Variants in RTRAF observed in about 807,000 individuals in gnomAD.
RTRAF encodes the protein tRNA-splicing ligase complex subunit RTRAF.
RTRAF carries 14 observed loss-of-function variants against 34.4 expected under a neutral mutation model. That is an observed-to-expected ratio of 0.41 (90% CI 0.27 to 0.64). The LOEUF is 0.64. RTRAF is among the 30% of genes least tolerant of loss of function. RTRAF has a pLI of 0.34. For missense variants in RTRAF, 291 were observed against 288.4 expected (o/e 1.01, Z -0.06); for synonymous variants, 96 against 95.3 (o/e 1.01, Z -0.04).
Position 51,989,781 on chromosome 14 carries a change from C to T in RTRAF, c.61+81C>T, listed in dbSNP as rs1890396089. The T allele has an allele frequency of 1.2e-5, 17 of 1,398,978 alleles. No individual in the cohort carries two copies. In the South Asian group the frequency reaches 2.0e-4, roughly 16 times the overall value. The allele number at this position is 1,398,978 out of a possible 1,614,324, so 86.7% of individuals were successfully genotyped here. ...CCTCAGTGCCCGCACCCCACCTCCC[C>T]GTCGGGACCCTCGGCGGCCTGGTTT... On this transcript the variant is annotated intron_variant, in intron 1 of 7. Coordinates refer to ENST00000261700, the MANE Select transcript of RTRAF (RefSeq NM_016039.3).
Position 52,004,233 on chromosome 14 carries a change from G to T in RTRAF, c.571G>T (p.Asp191Tyr). 6.2e-7 allele frequency: 1 copy of T among 1,613,472 alleles called. No homozygotes were observed. The highest frequency in any genetic ancestry group is 1.1e-5 in the South Asian group (1 of 90,948). ...VALDKHILGF[D>Y]TGDAVLNEAA... ...TTTAGACAAACATATTCTTGGTTTT[G>T]ACACAGGAGGTAAGTGATTTTGTTT... Residue 191 changes from aspartate (D) to tyrosine (Y), a missense_variant, in exon 7 of 8, where the codon GAC becomes TAC. Coordinates refer to ENST00000261700, the MANE Select transcript of RTRAF (RefSeq NM_016039.3).
Position 51,989,703 on chromosome 14 carries a change from G to T in RTRAF, c.61+3G>T. On this transcript the variant is annotated splice_donor_region_variant and intron_variant, in intron 1 of 7. Transcript: ENST00000261700. ...CCCCGCCGGCTTCAACTGCAAAGGT[G>T]AGGCGGCGGCCTCAGCCCGGCCGCG... The T allele has an allele frequency of 1.9e-6, 3 of 1,599,358 alleles. No homozygotes were observed. The highest frequency in any genetic ancestry group is 2.6e-6 in the Non-Finnish European group (3 of 1,173,672).
In RTRAF at chr14:52,004,528, C is replaced by CTTCAGCTTCTCACCTACTTAGTACA. The variant is rs1566735444; in HGVS notation, c.*13_*37dup. On this transcript the variant is annotated 3_prime_UTR_variant, in exon 8 of 8. Coordinates refer to ENST00000261700, the MANE Select transcript of RTRAF (RefSeq NM_016039.3). ...AAGTTGGAAGATGAACACTTGAGGACTTCAGCTTCTCACCTACTTAGTACA... is the reference window on the plus strand; with the variant it reads ...AAGTTGGAAGATGAACACTTGAGGACTTCAGCTTCTCACCTACTTAGTACATTCAGCTTCTCACCTACTTAGTACA... The CTTCAGCTTCTCACCTACTTAGTACA allele has an allele frequency of 3.1e-6, 5 of 1,606,780 alleles. No homozygotes were observed. Among genetic ancestry groups the CTTCAGCTTCTCACCTACTTAGTACA allele is most frequent in the Non-Finnish European group, 4.2e-6 (5 of 1,177,846 alleles).
At chr14:52,000,056 A>G in intron 5 of RTRAF, among the ~76,000 whole-genome samples, 1 of 152,236 alleles carries the variant, frequency 6.6e-6, no homozygotes, top group South Asian at 2.1e-4. Flanking sequence ...CTTTTTAAAA[A>G]TATATATCAT....
chr14:51,996,084 G>C (rs139143881), intron 3 of RTRAF, among the ~76,000 whole-genome samples: 84 of 152,048 alleles, frequency 5.5e-4, no homozygotes, highest in African/African-American at 1.9e-3. Flanking sequence ...ATGTATACCT[G>C]CAGTTGACTT....
At chr14:52,004,092 G>GAGTT (rs773315846) in intron 6 of RTRAF, 102 bp from the exon 7 acceptor site, 33 of 989,154 alleles carry the variant, frequency 3.3e-5, no homozygotes, top group Non-Finnish European at 4.7e-5. Context: ...GCAGCTAAAA[G>GAGTT]AGTTAAGACA....
At chr14:51,996,763 A>AT (rs958973882) in intron 3 of RTRAF, among the ~76,000 whole-genome samples, 1 of 152,030 alleles carries the variant, frequency 6.6e-6, no homozygotes, top group African/African-American at 2.4e-5. Flanking sequence ...TATCTTTGAT[A>AT]TACTATTATT....
intron 1 of RTRAF, among the ~76,000 whole-genome samples, chr14:51,990,369 C>T (rs527641473): frequency 2.6e-5 from 4 of 152,228 alleles, no homozygotes; most frequent in Non-Finnish European, 5.9e-5. Context: ...CTCACTGTAA[C>T]TAAACTGCTA....
chr14:52,008,357 C>T lies in RTRAF; in HGVS notation c.*3841C>T, dbSNP rs72678187. 4,165 of 159,454 alleles carry T rather than the reference C, an allele frequency of 0.026. 75 individuals carry two copies. The highest frequency in any genetic ancestry group is 0.037 in the Non-Finnish European group (2,667 of 72,844). The allele number at this position is 159,454 out of a possible 1,614,324, so 9.9% of individuals were successfully genotyped here. On this transcript the variant is annotated 3_prime_UTR_variant, in exon 8 of 8. Coordinates refer to ENST00000261700, the MANE Select transcript of RTRAF (RefSeq NM_016039.3). Reference sequence around the variant, plus strand: ...GAGCATGCTTGGGCTGTGTCTTCCCCGAGCTGAGCCTTGTGATCACTGCAG... The same window carrying T: ...GAGCATGCTTGGGCTGTGTCTTCCCTGAGCTGAGCCTTGTGATCACTGCAG...
At position 52,006,892 on chromosome 14, in the gene RTRAF, G is replaced by A; in HGVS notation, c.*2376G>A. 8.5e-6 allele frequency: 3 copies of A among 351,714 alleles called. No individual in the cohort carries two copies. The highest frequency in any genetic ancestry group is 1.6e-5 in the Non-Finnish European group (3 of 190,290). The allele number at this position is 351,714 out of a possible 1,614,324, so 21.8% of individuals were successfully genotyped here. On this transcript the variant is annotated 3_prime_UTR_variant, in exon 8 of 8. Transcript: ENST00000261700. The stretch of plus-strand genomic sequence containing the variant: ...ACAGGATTGCATTTACTGAAATCTG[G>A]TAAGTTTCTGCCAAAGTAGGGCATT...
chr14:52,004,720 G>A lies in RTRAF; in HGVS notation c.*204G>A. The A allele has an allele frequency of 2.2e-6, 1 of 463,334 alleles. No homozygotes were observed. The highest frequency in any genetic ancestry group is 3.7e-6 in the Non-Finnish European group (1 of 269,004). 28.7% of individuals were successfully genotyped at this position (463,334 alleles called of 1,614,324 possible). On this transcript the variant is annotated 3_prime_UTR_variant, in exon 8 of 8. Transcript: ENST00000261700. The stretch of plus-strand genomic sequence containing the variant: ...AATTTTTATTATGTACTGTATGTTT[G>A]CATAAATCACCTTTCTCCTTTGTGG...
Position 51,999,805 on chromosome 14 carries a change from C to T in RTRAF, c.462+9C>T. On this transcript the variant is annotated intron_variant, in intron 5 of 7. Transcript: ENST00000261700. ...ACCTGGTAATGCTTAAGGTCAGCTT[C>T]ATGTTCTTGATTCTTGACAGAAACT... is the stretch of plus-strand genomic sequence containing the variant. The T allele has an allele frequency of 6.3e-7, 1 of 1,591,802 alleles. No homozygotes were observed. Among genetic ancestry groups the T allele is most frequent in the Non-Finnish European group, 8.6e-7 (1 of 1,163,676 alleles).
At chr14:52,004,319 T>TA (rs1422051430) in intron 7 of RTRAF, 43 bp from the exon 8 acceptor site, 1 of 1,608,468 alleles carries the variant, frequency 6.2e-7, no homozygotes, top group Non-Finnish European at 8.5e-7. Context: ...GCCTTAAATG[T>TA]AAAAATTATG....
chr14:51,998,369 T>C (rs1418234465), intron 3 of RTRAF, 125 bp from the exon 4 acceptor site: 1 of 549,896 alleles, frequency 1.8e-6, no homozygotes, highest in East Asian at 3.1e-5. Flanking sequence ...TTGGAAATTA[T>C]TGGCATTTCC....
rs964280778 is a variant in RTRAF, at chr14:52,004,629, G to A, written c.*113G>A. Reference sequence around the variant, plus strand: ...TCGGGGGAGGAAGCCCAGAAAATTGGGTATGTTCTAGAGATTTACCACCAT... The same window carrying A: ...TCGGGGGAGGAAGCCCAGAAAATTGAGTATGTTCTAGAGATTTACCACCAT... On this transcript the variant is annotated 3_prime_UTR_variant, in exon 8 of 8. Coordinates refer to ENST00000261700, the MANE Select transcript of RTRAF (RefSeq NM_016039.3). 6.6e-6 allele frequency: 7 copies of A among 1,063,776 alleles called. No individual in the cohort carries two copies. The highest frequency in any genetic ancestry group is 9.3e-6 in the Non-Finnish European group (7 of 752,692). 65.9% of individuals were successfully genotyped at this position (1,063,776 alleles called of 1,614,324 possible).
chr14:51,991,381 T>C lies in RTRAF; in HGVS notation c.126T>C (p.Ile42=). 6.2e-7 allele frequency: 1 copy of C among 1,613,602 alleles called. No homozygotes were observed. Among genetic ancestry groups the C allele is most frequent in the Non-Finnish European group, 8.5e-7 (1 of 1,179,612 alleles). The stretch of plus-strand genomic sequence containing the variant: ...ACCAGAAAATCAGGCACTACAAGAT[T>C]GAAGACAGAGGGAATTTAAGAAACA... ...LEDQKIRHYK[I]EDRGNLRNIH... Residue 42 remains isoleucine (I), a synonymous_variant, in exon 2 of 8, where the codon ATT becomes ATC. Transcript: ENST00000261700.
At chr14:51,996,694 A>G (rs1393465016) in intron 3 of RTRAF, among the ~76,000 whole-genome samples, 1 of 152,010 alleles carries the variant, frequency 6.6e-6, no homozygotes, top group Non-Finnish European at 1.5e-5. Flanking sequence ...TTTAAAGTGC[A>G]TTTCCTAAAA....
intron 1 of RTRAF, among the ~76,000 whole-genome samples, chr14:51,990,621 T>A (rs1890417187): frequency 6.6e-6 from 1 of 152,186 alleles, no homozygotes; most frequent in Non-Finnish European, 1.5e-5. Flanking sequence ...CAAAAAAGTA[T>A]CAGTGACAAT....
At chr14:51,990,750 G>C (rs1020178458) in intron 1 of RTRAF, among the ~76,000 whole-genome samples, 4 of 152,152 alleles carry the variant, frequency 2.6e-5, no homozygotes, top group Admixed American at 2.6e-4. Context: ...CACTTAATGT[G>C]CAGTTAACAT....
Sources: allele counts gnomAD v4.1 joint callset (sites outside exome capture counted in the v4.1 genomes callset), GRCh38; gene constraint gnomAD v4.1.1; transcripts MANE v1.5; gene names NCBI Gene and HGNC (gene_info 2026-07-23, HGNC 2026-07-21).